Variants in TACR1 observed in about 807,000 individuals in gnomAD.
The protein encoded by TACR1 is substance-P receptor.
A neutral mutation model predicts 35.8 loss-of-function variants in TACR1; 25 were observed. That is an observed-to-expected ratio of 0.70 (90% CI 0.51 to 0.98). The LOEUF (loss-of-function observed/expected upper bound fraction) is 0.98, where lower values mean the gene tolerates loss of function less well. Among genes scored for constraint, TACR1 ranks in the 50% least tolerant of loss-of-function variants. TACR1 has a pLI of 0.00. For missense variants in TACR1, 478 were observed against 522.9 expected (o/e 0.91, Z 0.84); for synonymous variants, 195 against 206.7 (o/e 0.94, Z 0.48).
intron 2 of TACR1, among the ~76,000 whole-genome samples, chr2:75,063,887 G>T (rs1027480834): frequency 5.3e-5 from 8 of 152,176 alleles, no homozygotes; most frequent in Non-Finnish European, 1.0e-4. Context: ...AATATCTTCA[G>T]ACCTGCACAT....
At chr2:75,183,576 C>T (rs1037678746) in intron 1 of TACR1, among the ~76,000 whole-genome samples, 4 of 152,064 alleles carry the variant, frequency 2.6e-5, no homozygotes, top group South Asian at 2.1e-4. Context: ...CTGGGGAAAC[C>T]GTGTACTACG....
chr2:75,158,636 A>C (rs3771842), intron 1 of TACR1, among the ~76,000 whole-genome samples: 4 of 151,942 alleles, frequency 2.6e-5, no homozygotes, highest in Non-Finnish European at 5.9e-5. Flanking sequence ...TGCCTGCTGA[A>C]TATGTGATGT....
intron 2 of TACR1, among the ~76,000 whole-genome samples, chr2:75,113,532 C>CCTTT (rs1673791802): frequency 7.6e-5 from 7 of 92,084 alleles, no homozygotes; most frequent in African/African-American, 2.7e-4. Flanking sequence ...TTTCTTCTTC[C>CCTTT]TTTTTTTTTT....
chr2:75,067,419 GCT>G (rs1487731959), intron 2 of TACR1, among the ~76,000 whole-genome samples: 2 of 152,112 alleles, frequency 1.3e-5, no homozygotes, highest in Admixed American at 6.6e-5. Context: ...CATGGGTTCA[GCT>G]ACCCAATTTT....
intron 2 of TACR1, among the ~76,000 whole-genome samples, chr2:75,058,562 G>T (rs1672614533): frequency 1.3e-5 from 2 of 152,192 alleles, no homozygotes; most frequent in South Asian, 4.1e-4. Flanking sequence ...ACCCCCACCT[G>T]GTGAGATATG....
intron 1 of TACR1, among the ~76,000 whole-genome samples, chr2:75,131,621 C>T (rs1317004495): frequency 6.6e-6 from 1 of 152,130 alleles, no homozygotes; most frequent in Non-Finnish European, 1.5e-5. Flanking sequence ...ACATAATTTG[C>T]AACTATGTAC....
At chr2:75,177,658 C>T (rs926849851) in intron 1 of TACR1, among the ~76,000 whole-genome samples, 9 of 152,172 alleles carry the variant, frequency 5.9e-5, no homozygotes, top group Non-Finnish European at 7.3e-5. Context: ...CACTTAGATT[C>T]CACCCACCAC....
At chr2:75,082,244 A>G (rs959763116) in intron 2 of TACR1, among the ~76,000 whole-genome samples, 1 of 152,228 alleles carries the variant, frequency 6.6e-6, no homozygotes, top group African/African-American at 2.4e-5. Context: ...TACAAAGGAC[A>G]TGAACTCATC....
chr2:75,194,981 T>C (rs1675929908), intron 1 of TACR1, among the ~76,000 whole-genome samples: 1 of 152,184 alleles, frequency 6.6e-6, no homozygotes, highest in Admixed American at 6.5e-5. Flanking sequence ...TCCACAGTAC[T>C]TGCCAGAGCA....
chr2:75,090,359 C>T (rs780643644), intron 2 of TACR1, among the ~76,000 whole-genome samples: 6 of 152,140 alleles, frequency 3.9e-5, no homozygotes, highest in Non-Finnish European at 7.4e-5. Flanking sequence ...GAAGTGGGGT[C>T]GAACAGGCCT....
intron 1 of TACR1, among the ~76,000 whole-genome samples, chr2:75,160,298 G>T (rs1264988926): frequency 6.6e-6 from 1 of 152,044 alleles, no homozygotes; most frequent in South Asian, 2.1e-4. Flanking sequence ...ATTATAAAAG[G>T]AGGGGAACAT....
At chr2:75,129,656 C>A (rs1572946761) in intron 1 of TACR1, among the ~76,000 whole-genome samples, 1 of 152,160 alleles carries the variant, frequency 6.6e-6, no homozygotes, top group East Asian at 1.9e-4. Flanking sequence ...TTTTTGAAAT[C>A]TTAAGAAAAT....
intron 2 of TACR1, among the ~76,000 whole-genome samples, chr2:75,083,520 A>G (rs1485575218): frequency 1.3e-5 from 2 of 152,116 alleles, no homozygotes; most frequent in South Asian, 2.1e-4. Flanking sequence ...CTTGGGCAGT[A>G]TGGCCATTTT....
At chr2:75,155,515 C>T (rs1316389957) in intron 1 of TACR1, among the ~76,000 whole-genome samples, 1 of 152,126 alleles carries the variant, frequency 6.6e-6, no homozygotes, top group Non-Finnish European at 1.5e-5. Context: ...ATCACCAGCT[C>T]TTCTGGTCCA....
intron 1 of TACR1, among the ~76,000 whole-genome samples, chr2:75,185,597 T>C (rs1675673388): frequency 6.6e-6 from 1 of 152,202 alleles, no homozygotes; most frequent in African/African-American, 2.4e-5. Context: ...TATATTAAAA[T>C]ATACTCACTA....
At chr2:75,094,677 G>A (rs1452079790) in intron 2 of TACR1, among the ~76,000 whole-genome samples, 1 of 151,610 alleles carries the variant, frequency 6.6e-6, no homozygotes, top group Non-Finnish European at 1.5e-5. Context: ...GGTGGAGGTG[G>A]TGGAGGTGAG....
chr2:75,148,959 C>A (rs1375677976), intron 1 of TACR1, among the ~76,000 whole-genome samples: 1 of 152,172 alleles, frequency 6.6e-6, no homozygotes, highest in Non-Finnish European at 1.5e-5. Context: ...GTTTTCCCAG[C>A]ACCATTTATT....
At chr2:75,185,934 G>T (rs531169187) in intron 1 of TACR1, among the ~76,000 whole-genome samples, 8 of 151,978 alleles carry the variant, frequency 5.3e-5, no homozygotes, top group African/African-American at 1.9e-4. Flanking sequence ...TAAGCATGAG[G>T]GATTATTTAA....
At chr2:75,184,702 T>C (rs115445858) in intron 1 of TACR1, among the ~76,000 whole-genome samples, 5,242 of 151,352 alleles carry the variant, frequency 0.035, 308 homozygotes, top group African/African-American at 0.12. Context: ...AAAAGTTAAA[T>C]TTATATATAT....
Sources: allele counts gnomAD v4.1 joint callset (sites outside exome capture counted in the v4.1 genomes callset), GRCh38; gene constraint gnomAD v4.1.1; transcripts MANE v1.5; gene names NCBI Gene and HGNC (gene_info 2026-07-23, HGNC 2026-07-21).